FAM163A: variants seen among roughly 807,000 people sequenced by gnomAD.
The protein encoded by FAM163A is family with sequence similarity 163 member A.
A neutral mutation model predicts 12.0 loss-of-function variants in FAM163A; 7 were observed. That is an observed-to-expected ratio of 0.58 (90% CI 0.33 to 1.10). FAM163A has a LOEUF of 1.10. FAM163A is among the 50% of genes least tolerant of loss of function. The pLI is 0.03. For synonymous variants in FAM163A, 101 were observed against 91.0 expected, an observed-to-expected ratio of 1.11 and a Z score of -0.62; for missense variants, 202 against 218.6, an observed-to-expected ratio of 0.92 and a Z score of 0.48.
At chr1:179,750,179 C>A (rs530195947) in intron 1 of FAM163A, among the ~76,000 whole-genome samples, 1 of 152,218 alleles carries the variant, frequency 6.6e-6, no homozygotes, top group African/African-American at 2.4e-5. Flanking sequence ...GTGAGGATTG[C>A]ATTGTCAAGA....
At chr1:179,788,387 A>G (rs1395355961) in intron 1 of FAM163A, among the ~76,000 whole-genome samples, 1 of 152,194 alleles carries the variant, frequency 6.6e-6, no homozygotes, top group Non-Finnish European at 1.5e-5. Context: ...ACTTCCTCCT[A>G]GGGAAGATTC....
chr1:179,760,116 C>G (rs1031327565), intron 1 of FAM163A, among the ~76,000 whole-genome samples: 1 of 152,100 alleles, frequency 6.6e-6, no homozygotes, highest in East Asian at 1.9e-4. Flanking sequence ...ATGGTTATGG[C>G]GGTCCAGGCG....
At chr1:179,743,833 C>G (rs1571279555) in intron 1 of FAM163A, among the ~76,000 whole-genome samples, 1 of 152,162 alleles carries the variant, frequency 6.6e-6, no homozygotes, top group South Asian at 2.1e-4. Context: ...ACCCGCTTCT[C>G]TGCGCTTTCA....
chr1:179,813,854 C>A lies in FAM163A; in HGVS notation c.169C>A (p.Pro57Thr), dbSNP rs778209089. ...GCGGGAGCACGACCTTCCCACGCATCCCAGAGGCCCCACCTGCAATGCCTG... is the reference window on the plus strand; with the variant it reads ...GCGGGAGCACGACCTTCCCACGCATACCAGAGGCCCCACCTGCAATGCCTG... ...EEREHDLPTH[P>T]RGPTCNACSS... is the part of the protein sequence containing the mutation. The change falls in exon 5 of 5, where the codon CCC becomes ACC. Residue 57 changes from proline to threonine, a missense_variant. Physicochemically the swap from Pro to Thr is conservative, Grantham distance 38. Coordinates refer to ENST00000341785, the MANE Select transcript of FAM163A (RefSeq NM_173509.3). The A allele has an allele frequency of 2.5e-6, 4 of 1,614,016 alleles. No individual in the cohort carries two copies. The highest frequency in any genetic ancestry group is 2.2e-5 in the South Asian group (2 of 91,092).
chr1:179,809,395 A>T (rs1172779858), intron 2 of FAM163A, among the ~76,000 whole-genome samples: 1 of 152,130 alleles, frequency 6.6e-6, no homozygotes, highest in East Asian at 1.9e-4. Flanking sequence ...CTGGCAAGGG[A>T]GACGTGAGAG....
At position 179,814,248 on chromosome 1, in the gene FAM163A, G is replaced by A. The variant is rs942916273; in HGVS notation, c.*59G>A. 5.9e-6 allele frequency: 9 copies of A among 1,527,098 alleles called. No individual in the cohort carries two copies. The highest frequency in any genetic ancestry group is 1.4e-5 in the African/African-American group (1 of 72,338). 94.6% of individuals were successfully genotyped at this position (1,527,098 alleles called of 1,614,324 possible). A position where few individuals can be genotyped will look rare whatever the true frequency, so the allele number is the denominator to read the frequency against. On this transcript the variant is annotated 3_prime_UTR_variant, in exon 5 of 5. Transcript: ENST00000341785. ...CTGCTGCCCTGGCGGGGGCCATGGG[G>A]GTGATGAATGACCCTCCAACAGCCC... is the stretch of plus-strand genomic sequence containing the variant.
chr1:179,736,301 C>A, the FAM163A span, among the ~76,000 whole-genome samples: 1 of 149,752 alleles, frequency 6.7e-6, no homozygotes, highest in Non-Finnish European at 1.5e-5. Context: ...AATATCTGAA[C>A]TATACAAGAA....
intron 1 of FAM163A, among the ~76,000 whole-genome samples, chr1:179,776,404 T>A (rs1219393589): frequency 4.0e-5 from 6 of 150,754 alleles, no homozygotes; most frequent in African/African-American, 1.5e-4. Context: ...GGCAGGAGAA[T>A]CGCTTAAACC....
At chr1:179,767,430 A>C (rs1687656919) in intron 1 of FAM163A, among the ~76,000 whole-genome samples, 1 of 152,102 alleles carries the variant, frequency 6.6e-6, no homozygotes, top group South Asian at 2.1e-4. Flanking sequence ...AGCATTGTGC[A>C]CTTTTAATCT....
chr1:179,773,065 T>C (rs1688484320), intron 1 of FAM163A, among the ~76,000 whole-genome samples: 1 of 150,230 alleles, frequency 6.7e-6, no homozygotes, highest in Non-Finnish European at 1.5e-5. Flanking sequence ...AGTAGTTTTT[T>C]GTTCTGGGTG....
At chr1:179,728,798 C>T in the FAM163A span, among the ~76,000 whole-genome samples, 3 of 152,236 alleles carry the variant, frequency 2.0e-5, no homozygotes, top group African/African-American at 4.8e-5. Context: ...GGTAAACTAG[C>T]GGAAGGCAAA....
chr1:179,767,664 C>T lies in FAM163A; in HGVS notation c.-136+24241C>T, dbSNP rs150967120. Among the ~76,000 whole-genome samples the T allele has an allele frequency of 8.0e-3, 1,225 of 152,224 alleles. 21 individuals carry two copies. Among genetic ancestry groups the T allele is most frequent in the African/African-American group, 0.028 (1,177 of 41,528 alleles). On this transcript the variant is annotated intron_variant, in intron 1 of 4. Coordinates refer to ENST00000341785, the MANE Select transcript of FAM163A (RefSeq NM_173509.3). ...CAGAGCCTGTCCAGGCCCTGGCACC[C>T]CCTACCTGCAGCCTGCTGCTCCAGG...
the FAM163A span, among the ~76,000 whole-genome samples, chr1:179,729,370 T>C: frequency 6.6e-6 from 1 of 152,216 alleles, no homozygotes; most frequent in Admixed American, 6.5e-5. Context: ...TTTTAATACA[T>C]TGTTCTACCC....
the FAM163A span, among the ~76,000 whole-genome samples, chr1:179,733,362 G>A: frequency 9.9e-5 from 15 of 152,218 alleles, no homozygotes; most frequent in African/African-American, 2.2e-4. Flanking sequence ...TATTTGAAAT[G>A]CAAATTAAAT....
chr1:179,745,798 A>C (rs569858755), intron 1 of FAM163A, among the ~76,000 whole-genome samples: 2 of 152,222 alleles, frequency 1.3e-5, no homozygotes, highest in Admixed American at 1.3e-4. Flanking sequence ...AAAGCTAGTT[A>C]ATGGCAGAGC....
chr1:179,812,964 G>A, intron 3 of FAM163A, 112 bp from the exon 4 acceptor site: 2 of 977,312 alleles, frequency 2.0e-6, no homozygotes, highest in African/African-American at 1.6e-5. Flanking sequence ...CCCGGCACCT[G>A]CTGCTCTCAG....
At chr1:179,763,471 T>TA (rs1687084748) in intron 1 of FAM163A, among the ~76,000 whole-genome samples, 1 of 152,212 alleles carries the variant, frequency 6.6e-6, no homozygotes, top group Non-Finnish European at 1.5e-5. Context: ...GAAATAATTG[T>TA]AAAAAACTTG....
rs1317646531 is a variant in FAM163A, at chr1:179,814,398, G to C, written c.*209G>C. The C allele has an allele frequency of 1.5e-6, 1 of 650,860 alleles. No individual in the cohort carries two copies. Among genetic ancestry groups the C allele is most frequent in the Admixed American group, 3.6e-5 (1 of 27,996 alleles). 40.3% of individuals were successfully genotyped at this position (650,860 alleles called of 1,614,324 possible). A position where few individuals can be genotyped will look rare whatever the true frequency, so the allele number is the denominator to read the frequency against. ...GGCTCCAACTCTGTGGGCCAGAGGTGGGGGACTGCTAGGTCGAGTCTGCAG... is the reference window on the plus strand; with the variant it reads ...GGCTCCAACTCTGTGGGCCAGAGGTCGGGGACTGCTAGGTCGAGTCTGCAG... On this transcript the variant is annotated 3_prime_UTR_variant, in exon 5 of 5. Coordinates refer to ENST00000341785, the MANE Select transcript of FAM163A (RefSeq NM_173509.3).
chr1:179,798,777 G>A lies in FAM163A; in HGVS notation c.-135-9021G>A, dbSNP rs557599007. Among the ~76,000 whole-genome samples the A allele has an allele frequency of 2.6e-5, 4 of 152,254 alleles. No individual in the cohort carries two copies. The South Asian group carries it at 6.2e-4, about 24-fold the overall frequency. The stretch of plus-strand genomic sequence containing the variant: ...TCCCCAAGCCTCCCTGCACGATGTG[G>A]GTGGACACAGCTTCCAAATCTCCCT... On this transcript the variant is annotated intron_variant, in intron 1 of 4. Coordinates refer to ENST00000341785, the MANE Select transcript of FAM163A (RefSeq NM_173509.3).
Sources: allele counts gnomAD v4.1 joint callset (sites outside exome capture counted in the v4.1 genomes callset), GRCh38; gene constraint gnomAD v4.1.1; transcripts MANE v1.5; gene names NCBI Gene and HGNC (gene_info 2026-07-23, HGNC 2026-07-21).